The following GKAP1 variants were observed in gnomAD, a reference collection of about 807,000 sequenced individuals.
GKAP1 encodes the protein G kinase anchoring protein 1.
A neutral mutation model predicts 56.7 loss-of-function variants in GKAP1; 31 were observed. The ratio of observed to expected loss-of-function variants is 0.55; its 90% confidence interval spans 0.41 to 0.74. The LOEUF (loss-of-function observed/expected upper bound fraction) is 0.74. GKAP1 is among the 30% of genes least tolerant of loss of function. The pLI is 0.00. For synonymous variants in GKAP1, 151 were observed against 138.6 expected (o/e 1.09, Z -0.63); for missense variants, 364 against 402.3 (o/e 0.90, Z 0.82).
chr9:83,766,969 G>A (rs544093511), intron 8 of GKAP1, among the ~76,000 whole-genome samples: 1 of 152,178 alleles, frequency 6.6e-6, no homozygotes, highest in Non-Finnish European at 1.5e-5. Flanking sequence ...GTGTTCATGG[G>A]GACATTAGTG....
chr9:83,779,494 C>CATATATGTGTATAT, intron 7 of GKAP1, among the ~76,000 whole-genome samples: 1 of 103,538 alleles, frequency 9.7e-6, no homozygotes, highest in South Asian at 3.2e-4. Context: ...CATATATACA[C>CATATATGTGTATAT]ATATACACAT....
chr9:83,800,917 G>A (rs1199248918), intron 3 of GKAP1, among the ~76,000 whole-genome samples: 1 of 152,160 alleles, frequency 6.6e-6, no homozygotes, highest in Non-Finnish European at 1.5e-5. Flanking sequence ...TGGTTCTGGG[G>A]GCTGCTGAAT....
At chr9:83,761,780 T>C (rs1327934145) in intron 8 of GKAP1, among the ~76,000 whole-genome samples, 6 of 152,178 alleles carry the variant, frequency 3.9e-5, no homozygotes, top group Non-Finnish European at 8.8e-5. Flanking sequence ...TGATACATCA[T>C]ATCAACAGAA....
At chr9:83,747,596 G>A (rs1418690747) in intron 10 of GKAP1, among the ~76,000 whole-genome samples, 1 of 151,614 alleles carries the variant, frequency 6.6e-6, no homozygotes, top group African/African-American at 2.4e-5. Context: ...CTAAGGTGCT[G>A]TAAGAGTGAC....
At chr9:83,760,558 G>T (rs960212413) in intron 8 of GKAP1, among the ~76,000 whole-genome samples, 1 of 152,104 alleles carries the variant, frequency 6.6e-6, no homozygotes, top group African/African-American at 2.4e-5. Flanking sequence ...GACAGCTGCA[G>T]AATACACATT....
chr9:83,800,398 A>G (rs940604253), intron 3 of GKAP1, among the ~76,000 whole-genome samples: 1 of 149,462 alleles, frequency 6.7e-6, no homozygotes, highest in Admixed American at 6.7e-5. Context: ...GCAGTGGCAC[A>G]ATCTCGCTCA....
chr9:83,799,527 T>C (rs552824475), intron 3 of GKAP1, among the ~76,000 whole-genome samples, 199 bp from the exon 4 acceptor site: 2 of 152,346 alleles, frequency 1.3e-5, no homozygotes, highest in African/African-American at 4.8e-5. Context: ...TTTGAGATAA[T>C]GTTGGTAGAT....
At chr9:83,763,890 A>G (rs1168887436) in intron 8 of GKAP1, among the ~76,000 whole-genome samples, 2 of 152,194 alleles carry the variant, frequency 1.3e-5, no homozygotes, top group Admixed American at 6.5e-5. Context: ...TCTTTCCACT[A>G]TGTCAAACTA....
At chr9:83,785,069 C>A (rs1944042104) in intron 5 of GKAP1, among the ~76,000 whole-genome samples, 1 of 151,932 alleles carries the variant, frequency 6.6e-6, no homozygotes, top group Non-Finnish European at 1.5e-5. Context: ...GGCCTATAAC[C>A]CCCTCCTCAT....
Position 83,794,229 on chromosome 9 carries a change from G to A in GKAP1, c.360+4956C>T, listed in dbSNP as rs576817727. On this transcript the variant is annotated intron_variant, in intron 4 of 12. Coordinates refer to ENST00000376371, the MANE Select transcript of GKAP1 (RefSeq NM_025211.4). ...AACTTGGTGAGACCAGTGGCCTGAA[G>A]ATATCACAGTTTTTGTTTCACTTTC... is the stretch of plus-strand genomic sequence containing the variant. Among the ~76,000 whole-genome samples, 27 of 152,242 alleles carry A rather than the reference G, an allele frequency of 1.8e-4. No homozygotes were observed. The South Asian group carries it at 5.6e-3, about 32-fold the overall frequency.
At chr9:83,777,373 G>A (rs956415653) in intron 7 of GKAP1, among the ~76,000 whole-genome samples, 8 of 151,990 alleles carry the variant, frequency 5.3e-5, no homozygotes, top group African/African-American at 1.9e-4. Flanking sequence ...CATTTAAAAA[G>A]CAACATATTA....
chr9:83,759,244 T>C (rs1236703877), intron 8 of GKAP1, among the ~76,000 whole-genome samples: 1 of 152,138 alleles, frequency 6.6e-6, no homozygotes, highest in Admixed American at 6.5e-5. Context: ...AAATAATGTA[T>C]TAAATTTCTA....
At chr9:83,782,453 G>A (rs1943990495) in intron 6 of GKAP1, among the ~76,000 whole-genome samples, 1 of 151,452 alleles carries the variant, frequency 6.6e-6, no homozygotes, top group Non-Finnish European at 1.5e-5. Flanking sequence ...CCACCTTTTG[G>A]GTTCAAGCAA....
intron 3 of GKAP1, 114 bp from the exon 4 acceptor site, chr9:83,799,442 G>T: frequency 1.4e-6 from 1 of 700,588 alleles, no homozygotes; most frequent in Non-Finnish European, 2.3e-6. Context: ...GAAACCACTC[G>T]TTTTGCTAAC....
chr9:83,756,022 C>G (rs1490323400), intron 8 of GKAP1, among the ~76,000 whole-genome samples: 1 of 151,836 alleles, frequency 6.6e-6, no homozygotes, highest in Non-Finnish European at 1.5e-5. Flanking sequence ...CCAGGCTGGT[C>G]TTGAACTCCA....
At chr9:83,815,679 A>G (rs1262721370) in intron 2 of GKAP1, among the ~76,000 whole-genome samples, 3 of 152,176 alleles carry the variant, frequency 2.0e-5, no homozygotes, top group Non-Finnish European at 4.4e-5. Flanking sequence ...TCTTCTATTA[A>G]CACTACCAAT....
At chr9:83,750,388 A>G (rs1943368321) in intron 9 of GKAP1, among the ~76,000 whole-genome samples, 1 of 152,204 alleles carries the variant, frequency 6.6e-6, no homozygotes. Context: ...TTAAAACGCA[A>G]CATATCCAAA....
At chr9:83,781,809 C>T (rs553469556) in intron 6 of GKAP1, among the ~76,000 whole-genome samples, 1 of 151,058 alleles carries the variant, frequency 6.6e-6, no homozygotes, top group East Asian at 1.9e-4. Context: ...GCATTCTTTC[C>T]ATGTTTCTGC....
intron 12 of GKAP1, among the ~76,000 whole-genome samples, chr9:83,740,906 A>G (rs946584509): frequency 2.0e-5 from 3 of 152,204 alleles, no homozygotes; most frequent in Admixed American, 6.5e-5. Flanking sequence ...ATACTCGCAC[A>G]TAAGAATGCT....
Sources: gnomAD v4.1 joint callset for allele counts (sites outside exome capture counted in the v4.1 genomes callset) on GRCh38, gnomAD v4.1.1 for gene constraint, MANE v1.5 for transcripts, NCBI Gene and HGNC (gene_info 2026-07-23, HGNC 2026-07-21) for gene names.